PTPRT: variants seen among roughly 807,000 people sequenced by gnomAD.
PTPRT encodes the protein protein tyrosine phosphatase receptor type T, also known as receptor-type tyrosine-protein phosphatase T.
PTPRT carries 56 observed loss-of-function variants against 176.8 expected under a neutral mutation model. That is an observed-to-expected ratio of 0.32 (90% CI 0.26 to 0.40). PTPRT has a LOEUF of 0.40. PTPRT is among the 10% of genes least tolerant of loss of function. PTPRT has a pLI of 1.00. For synonymous variants in PTPRT, 783 were observed against 739.0 expected (o/e 1.06, Z -0.96); for missense variants, 1,540 against 1,908.2 (o/e 0.81, Z 3.60).
chr20:42,755,291 TG>T (rs1248221740), intron 6 of PTPRT, among the ~76,000 whole-genome samples: 3 of 152,124 alleles, frequency 2.0e-5, no homozygotes, highest in African/African-American at 4.8e-5. Flanking sequence ...CCAGTCACAC[TG>T]GGTCAGCAAA....
At chr20:42,208,871 C>T (rs565571679) in intron 15 of PTPRT, among the ~76,000 whole-genome samples, 1 of 152,212 alleles carries the variant, frequency 6.6e-6, no homozygotes, top group East Asian at 1.9e-4. Context: ...ACACCTATTC[C>T]AAAATTGACC....
At chr20:42,551,154 T>C (rs1243277821) in intron 7 of PTPRT, among the ~76,000 whole-genome samples, 2 of 152,166 alleles carry the variant, frequency 1.3e-5, no homozygotes, top group Admixed American at 6.5e-5. Context: ...ACAAATTATA[T>C]ATCTCTTTAT....
chr20:42,148,936 A>G (rs530025625), intron 17 of PTPRT, among the ~76,000 whole-genome samples: 2 of 152,238 alleles, frequency 1.3e-5, no homozygotes, highest in African/African-American at 4.8e-5. Context: ...AGTGTGTCCA[A>G]CCTAAAACAA....
intron 3 of PTPRT, among the ~76,000 whole-genome samples, chr20:42,790,681 A>C (rs1273733001): frequency 6.6e-6 from 1 of 152,076 alleles, no homozygotes; most frequent in Admixed American, 6.5e-5. Context: ...GTGACAACTC[A>C]AATGCCTTTC....
intron 7 of PTPRT, among the ~76,000 whole-genome samples, chr20:42,484,802 C>T (rs2071440473): frequency 6.6e-6 from 1 of 152,344 alleles, no homozygotes; most frequent in Non-Finnish European, 1.5e-5. Context: ...CAGGACCCCA[C>T]TGCCTAAACT....
chr20:42,127,397 T>G (rs1987911032), intron 19 of PTPRT, among the ~76,000 whole-genome samples: 1 of 152,060 alleles, frequency 6.6e-6, no homozygotes, highest in Admixed American at 6.6e-5. Flanking sequence ...TGTCTGTCTC[T>G]CTCTCTTTCT....
intron 12 of PTPRT, among the ~76,000 whole-genome samples, chr20:42,297,736 A>ATCTCATATTT (rs1327550557): frequency 6.6e-6 from 1 of 152,186 alleles, no homozygotes; most frequent in Non-Finnish European, 1.5e-5. Flanking sequence ...AAAATTTAAA[A>ATCTCATATTT]TATGAGAAAA....
chr20:42,043,226 C>T, the PTPRT span, among the ~76,000 whole-genome samples: 1 of 152,224 alleles, frequency 6.6e-6, no homozygotes, highest in Admixed American at 6.5e-5. Context: ...GGTGAAGAAT[C>T]TGTATTTTTA....
intron 1 of PTPRT, among the ~76,000 whole-genome samples, chr20:43,030,509 A>C (rs1341194980): frequency 7.9e-5 from 12 of 152,252 alleles, no homozygotes; most frequent in Admixed American, 5.9e-4. Flanking sequence ...TCAGAACAAA[A>C]AAAAAAAAAA....
chr20:42,325,347 T>A (rs1395533114), intron 11 of PTPRT, among the ~76,000 whole-genome samples: 2 of 152,210 alleles, frequency 1.3e-5, no homozygotes, highest in Admixed American at 1.3e-4. Context: ...CCTTCTCCTA[T>A]GATTGAATTG....
intron 7 of PTPRT, among the ~76,000 whole-genome samples, chr20:42,604,641 G>C (rs543888714): frequency 1.3e-4 from 20 of 152,282 alleles, no homozygotes; most frequent in African/African-American, 3.4e-4. Context: ...ATCCACTAGG[G>C]AGCTAGGTGG....
Position 43,043,813 on chromosome 20 carries a change from A to C in PTPRT, c.88+145833T>G, listed in dbSNP as rs775791436. Among the ~76,000 whole-genome samples, 201 of 152,352 alleles carry C rather than the reference A, an allele frequency of 1.3e-3. 6 individuals carry two copies. Among genetic ancestry groups the C allele is most frequent in the Admixed American group, 9.8e-4 (15 of 15,302 alleles). ...ATGACCTTTTGAGGGTCACCCAGTGAGTCATCAGCCTGAATACTGTGAAGA... is the reference window on the plus strand; with the variant it reads ...ATGACCTTTTGAGGGTCACCCAGTGCGTCATCAGCCTGAATACTGTGAAGA... On this transcript the variant is annotated intron_variant, in intron 1 of 30. Coordinates refer to ENST00000373187, the MANE Select transcript of PTPRT (RefSeq NM_007050.6).
rs553334550 is a variant in PTPRT at position 42,247,585 on chromosome 20, T to C, written c.2312+1102A>G. Among the ~76,000 whole-genome samples the C allele has an allele frequency of 4.6e-5, 7 of 152,334 alleles. No individual in the cohort carries two copies. In the South Asian group the frequency reaches 1.4e-3, roughly 32 times the overall value. On this transcript the variant is annotated intron_variant, in intron 14 of 30. Coordinates refer to ENST00000373187, the MANE Select transcript of PTPRT (RefSeq NM_007050.6). Reference sequence around the variant, plus strand: ...TTGGGGTTGCCCTGAACTCTGTGCATAAGCAAACCCAGAGCTTCAGGCTGA... The same window carrying C: ...TTGGGGTTGCCCTGAACTCTGTGCACAAGCAAACCCAGAGCTTCAGGCTGA...
chr20:42,394,071 T>C (rs2058826668), intron 9 of PTPRT, among the ~76,000 whole-genome samples: 1 of 151,860 alleles, frequency 6.6e-6, no homozygotes, highest in Non-Finnish European at 1.5e-5. Context: ...TTTTACTACT[T>C]GATGGATATG....
chr20:42,486,021 T>A (rs1050480257), intron 7 of PTPRT, among the ~76,000 whole-genome samples: 4 of 152,206 alleles, frequency 2.6e-5, no homozygotes, highest in African/African-American at 9.6e-5. Flanking sequence ...AGAACACGGA[T>A]CACAGTACAA....
intron 12 of PTPRT, among the ~76,000 whole-genome samples, chr20:42,309,386 G>T (rs1431203780): frequency 1.3e-5 from 2 of 152,132 alleles, no homozygotes; most frequent in African/African-American, 4.8e-5. Context: ...CAGCTACCCT[G>T]GGTACCATTT....
At chr20:42,492,365 T>C (rs2145379657) in intron 7 of PTPRT, among the ~76,000 whole-genome samples, 1 of 152,344 alleles carries the variant, frequency 6.6e-6, no homozygotes, top group African/African-American at 2.4e-5. Flanking sequence ...CTATCACTAC[T>C]TTTTATATGA....
chr20:42,470,329 G>GC (rs1278691079), intron 8 of PTPRT, among the ~76,000 whole-genome samples: 5 of 152,120 alleles, frequency 3.3e-5, no homozygotes, highest in Non-Finnish European at 5.9e-5. Flanking sequence ...GTGATGCATG[G>GC]CCCACCCTGA....
chr20:42,602,053 T>C lies in PTPRT; in HGVS notation c.1153+75813A>G, dbSNP rs149280013. Reference sequence around the variant, plus strand: ...CAGAAATAATACAGGGCTCCATGCCTTGTTACCGGCTCTGCTTCTCAATGT... The same window carrying C: ...CAGAAATAATACAGGGCTCCATGCCCTGTTACCGGCTCTGCTTCTCAATGT... On this transcript the variant is annotated intron_variant, in intron 7 of 30. Transcript: ENST00000373187. Among the ~76,000 whole-genome samples the C allele has an allele frequency of 1.7e-3, 265 of 152,330 alleles. 1 individual carries two copies. The highest frequency in any genetic ancestry group is 6.1e-3 in the African/African-American group (252 of 41,562).
Sources: gnomAD v4.1 joint callset for allele counts (sites outside exome capture counted in the v4.1 genomes callset) on GRCh38, gnomAD v4.1.1 for gene constraint, MANE v1.5 for transcripts, NCBI Gene and HGNC (gene_info 2026-07-23, HGNC 2026-07-21) for gene names.